The following SHC3 variants were observed in gnomAD, a reference collection of about 807,000 sequenced individuals.
SHC3 encodes SHC adaptor protein 3, also known as SHC-transforming protein 3.
In SHC3, 15 loss-of-function variants were observed where a neutral mutation model predicts 60.4. That is an observed-to-expected ratio of 0.25 (90% CI 0.17 to 0.38). The LOEUF (loss-of-function observed/expected upper bound fraction) is 0.38. Among genes scored for constraint, SHC3 ranks in the 10% least tolerant of loss-of-function variants. SHC3 has a pLI of 1.00. For missense variants in SHC3, 677 were observed against 786.1 expected, an observed-to-expected ratio of 0.86 and a Z score of 1.66; for synonymous variants, 294 against 325.9, an observed-to-expected ratio of 0.90 and a Z score of 1.05.
At chr9:89,091,008 T>C (rs538193134) in intron 2 of SHC3, among the ~76,000 whole-genome samples, 2 of 152,320 alleles carry the variant, frequency 1.3e-5, no homozygotes, top group East Asian at 3.9e-4. Flanking sequence ...TAGCATGGTA[T>C]TGGGGGACAT....
At chr9:89,148,397 A>C (rs1389868246) in intron 1 of SHC3, among the ~76,000 whole-genome samples, 1 of 152,226 alleles carries the variant, frequency 6.6e-6, no homozygotes, top group Non-Finnish European at 1.5e-5. Flanking sequence ...GTGACTCTGT[A>C]ATTATTTCAA....
intron 1 of SHC3, among the ~76,000 whole-genome samples, chr9:89,148,412 CATT>C (rs775108078): frequency 6.6e-6 from 1 of 152,150 alleles, no homozygotes; most frequent in Non-Finnish European, 1.5e-5. Flanking sequence ...TTTCAAAAGA[CATT>C]GTTGAAAAAA....
At chr9:89,047,155 A>G (rs914350640) in intron 7 of SHC3, among the ~76,000 whole-genome samples, 161 bp from the exon 8 acceptor site, 2 of 152,254 alleles carry the variant, frequency 1.3e-5, no homozygotes, top group African/African-American at 4.8e-5. Flanking sequence ...TGAGTGGTTT[A>G]GCAAAATATC....
chr9:89,109,290 G>A, intron 2 of SHC3: 1 of 757,632 alleles, frequency 1.3e-6, no homozygotes. Flanking sequence ...ATGGGTGAAG[G>A]GGGTCCCTCC....
At chr9:89,073,042 G>T (rs1825299483) in intron 4 of SHC3, among the ~76,000 whole-genome samples, 1 of 152,134 alleles carries the variant, frequency 6.6e-6, no homozygotes, top group Non-Finnish European at 1.5e-5. Flanking sequence ...TAAAAACAGT[G>T]GTCTTTGCAG....
chr9:89,040,475 G>T (rs947011299), intron 10 of SHC3, among the ~76,000 whole-genome samples: 2 of 151,996 alleles, frequency 1.3e-5, no homozygotes, highest in African/African-American at 4.8e-5. Flanking sequence ...GGGTAGCTCT[G>T]GTTCTCATTT....
intron 1 of SHC3, among the ~76,000 whole-genome samples, chr9:89,167,372 T>A (rs2118258596): frequency 6.6e-6 from 1 of 152,272 alleles, no homozygotes; most frequent in East Asian, 1.9e-4. Flanking sequence ...AGTTTCTCTA[T>A]CCCAGAGACC....
intron 5 of SHC3, among the ~76,000 whole-genome samples, chr9:89,069,151 T>C (rs1177404037): frequency 6.6e-6 from 1 of 152,026 alleles, no homozygotes; most frequent in Non-Finnish European, 1.5e-5. Context: ...CTACTAAAAA[T>C]ACAAAAAGTT....
chr9:89,081,180 T>G (rs529312293), intron 2 of SHC3, among the ~76,000 whole-genome samples: 1 of 152,290 alleles, frequency 6.6e-6, no homozygotes, highest in East Asian at 1.9e-4. Flanking sequence ...CAAGAAAATA[T>G]GTAACATTTC....
intron 7 of SHC3, among the ~76,000 whole-genome samples, chr9:89,049,662 T>C (rs1251104880): frequency 6.6e-6 from 1 of 152,256 alleles, no homozygotes; most frequent in Admixed American, 6.5e-5. Flanking sequence ...CCTTACGTAT[T>C]TAAATTTGGC....
chr9:89,022,283 G>C (rs1043306506), intron 11 of SHC3, among the ~76,000 whole-genome samples: 1 of 152,176 alleles, frequency 6.6e-6, no homozygotes, highest in East Asian at 1.9e-4. Context: ...CAGGAAGGGA[G>C]GGTTGGGGGA....
intron 1 of SHC3, among the ~76,000 whole-genome samples, chr9:89,143,446 A>G (rs1010394458): frequency 3.3e-5 from 5 of 151,998 alleles, no homozygotes; most frequent in African/African-American, 7.3e-5. Flanking sequence ...ATGCCTAACC[A>G]TCTGGGAATC....
chr9:89,092,256 A>G (rs966378513), intron 2 of SHC3, among the ~76,000 whole-genome samples: 8 of 152,130 alleles, frequency 5.3e-5, no homozygotes, highest in South Asian at 2.1e-4. Context: ...TGTTTTGCCT[A>G]GCAAAAGAAA....
rs1239018169 is a variant in SHC3 at position 89,013,691 on chromosome 9, A to T, written c.1657-116T>A. ...TGGCCCAGAAGGAAAGGAGGGGGGG[A>T]CAAGGGGCTTCCACCACTTTAGAGA... is the stretch of plus-strand genomic sequence containing the variant. On this transcript the variant is annotated intron_variant, in intron 11 of 11. Transcript: ENST00000375835. 1.5e-5 allele frequency: 21 copies of T among 1,425,052 alleles called. No individual in the cohort carries two copies. The African/African-American group carries it at 2.9e-4, about 20-fold the overall frequency. 88.3% of individuals were successfully genotyped at this position (1,425,052 alleles called of 1,614,324 possible).
At chr9:89,088,101 G>T (rs1825562000) in intron 2 of SHC3, among the ~76,000 whole-genome samples, 1 of 152,138 alleles carries the variant, frequency 6.6e-6, no homozygotes, top group Non-Finnish European at 1.5e-5. Flanking sequence ...TTTAGGGTTG[G>T]TTAAGAGACC....
chr9:89,154,847 C>A (rs768153601), intron 1 of SHC3, among the ~76,000 whole-genome samples: 9 of 152,134 alleles, frequency 5.9e-5, no homozygotes, highest in African/African-American at 2.2e-4. Flanking sequence ...TGCAATAGAC[C>A]ACATCTGCTA....
At chr9:89,131,790 A>C (rs1587744377) in intron 1 of SHC3, among the ~76,000 whole-genome samples, 1 of 152,236 alleles carries the variant, frequency 6.6e-6, no homozygotes, top group African/African-American at 2.4e-5. Context: ...TGACAAGCCC[A>C]CAGCCAATAT....
intron 1 of SHC3, among the ~76,000 whole-genome samples, chr9:89,174,012 C>T (rs762322899): frequency 1.1e-4 from 16 of 151,870 alleles, no homozygotes; most frequent in South Asian, 2.1e-4. Flanking sequence ...TAAAATTCTA[C>T]AATATTATAG....
chr9:89,066,140 G>C (rs1246687126), intron 5 of SHC3, among the ~76,000 whole-genome samples: 1 of 152,154 alleles, frequency 6.6e-6, no homozygotes, highest in African/African-American at 2.4e-5. Context: ...CCCCTGCAGG[G>C]CTTGTTAAAA....
Sources: allele counts gnomAD v4.1 joint callset (sites outside exome capture counted in the v4.1 genomes callset), GRCh38; gene constraint gnomAD v4.1.1; transcripts MANE v1.5; gene names NCBI Gene and HGNC (gene_info 2026-07-23, HGNC 2026-07-21).